The following FRMD4A variants were observed in gnomAD, a reference collection of about 807,000 sequenced individuals.
FRMD4A encodes FERM domain-containing protein 4A.
A neutral mutation model predicts 129.1 loss-of-function variants in FRMD4A; 29 were observed. The observed-to-expected ratio is 0.22, with a 90% CI of 0.17 to 0.31. The LOEUF (loss-of-function observed/expected upper bound fraction) is 0.31. Among genes scored for constraint, FRMD4A ranks in the 10% least tolerant of loss-of-function variants. The pLI is 1.00. For missense variants in FRMD4A, 1,272 were observed against 1,375.8 expected (o/e 0.92, Z 1.19); for synonymous variants, 634 against 571.6 (o/e 1.11, Z -1.56).
chr10:14,276,212 C>G (rs762418822), intron 2 of FRMD4A, among the ~76,000 whole-genome samples: 34 of 152,164 alleles, frequency 2.2e-4, no homozygotes, highest in Non-Finnish European at 1.9e-4. Flanking sequence ...TTCTAAAATT[C>G]CTGCCTCACT....
chr10:13,854,685 G>A (rs539988065), intron 3 of FRMD4A, among the ~76,000 whole-genome samples: 2 of 151,716 alleles, frequency 1.3e-5, no homozygotes, highest in East Asian at 1.9e-4. Context: ...ACTCTCCTTG[G>A]CCTCCCAAAG....
At chr10:14,286,365 C>G (rs1845681467) in intron 2 of FRMD4A, among the ~76,000 whole-genome samples, 1 of 152,168 alleles carries the variant, frequency 6.6e-6, no homozygotes, top group African/African-American at 2.4e-5. Context: ...TGTCCCTCAG[C>G]AATATTGCCA....
chr10:14,193,976 T>C (rs1174980778), intron 2 of FRMD4A, among the ~76,000 whole-genome samples: 1 of 152,236 alleles, frequency 6.6e-6, no homozygotes, highest in African/African-American at 2.4e-5. Flanking sequence ...CTTTCTTTTT[T>C]AATTCCATGA....
intron 2 of FRMD4A, among the ~76,000 whole-genome samples, chr10:14,138,130 G>C (rs1839641097): frequency 6.6e-6 from 1 of 152,144 alleles, no homozygotes; most frequent in South Asian, 2.1e-4. Flanking sequence ...TTCTACTAGT[G>C]CTGGACCTAG....
chr10:14,058,358 T>A (rs1834642120), intron 2 of FRMD4A, among the ~76,000 whole-genome samples: 1 of 152,260 alleles, frequency 6.6e-6, no homozygotes, highest in African/African-American at 2.4e-5. Flanking sequence ...TTCAAAATAT[T>A]CATTTCTCAT....
At chr10:14,013,836 C>T (rs1201975145) in intron 2 of FRMD4A, among the ~76,000 whole-genome samples, 1 of 152,172 alleles carries the variant, frequency 6.6e-6, no homozygotes, top group African/African-American at 2.4e-5. Context: ...GAGGCTGAGG[C>T]AGGAGAATCA....
intron 2 of FRMD4A, among the ~76,000 whole-genome samples, chr10:14,298,511 AC>A (rs1486876240): frequency 3.3e-5 from 5 of 152,200 alleles, no homozygotes; most frequent in Admixed American, 1.3e-4. Flanking sequence ...GCAAGAAAAT[AC>A]TGGCCCACTG....
chr10:14,328,561 C>T (rs1229180591), intron 2 of FRMD4A, among the ~76,000 whole-genome samples: 2 of 150,936 alleles, frequency 1.3e-5, no homozygotes, highest in Admixed American at 6.6e-5. Flanking sequence ...AACTTTTCTC[C>T]TCTATATTAA....
At chr10:13,692,399 T>C (rs10752320) in intron 15 of FRMD4A, 148,957 of 152,310 alleles carry the variant, frequency 0.98, 72,916 homozygotes, top group Middle Eastern at 1. Flanking sequence ...CCACCTGCCT[T>C]GGCCTCCCAA....
intron 6 of FRMD4A, among the ~76,000 whole-genome samples, chr10:13,776,166 G>C (rs2092592586): frequency 6.6e-6 from 1 of 152,102 alleles, no homozygotes; most frequent in Non-Finnish European, 1.5e-5. Flanking sequence ...GCAGTAGTGT[G>C]ATCTGGACTC....
intron 2 of FRMD4A, among the ~76,000 whole-genome samples, chr10:14,260,718 T>C (rs1198995952): frequency 2.0e-5 from 3 of 152,230 alleles, no homozygotes; most frequent in Non-Finnish European, 4.4e-5. Context: ...CCTTTGCCTT[T>C]GTTCTTAATA....
chr10:13,880,646 C>T (rs1179508218), intron 2 of FRMD4A, among the ~76,000 whole-genome samples: 2 of 152,130 alleles, frequency 1.3e-5, no homozygotes, highest in Non-Finnish European at 2.9e-5. Flanking sequence ...TGCAACCTCT[C>T]TTGTTCCCTG....
intron 2 of FRMD4A, among the ~76,000 whole-genome samples, chr10:13,898,066 C>G (rs2094778593): frequency 6.6e-6 from 1 of 151,324 alleles, no homozygotes; most frequent in Admixed American, 6.6e-5. Flanking sequence ...ACCTTAGTGG[C>G]AACTCTATTA....
intron 2 of FRMD4A, chr10:13,866,354 C>G: frequency 1.4e-6 from 1 of 737,822 alleles, no homozygotes; most frequent in South Asian, 6.0e-5. Context: ...ATGATCTGAC[C>G]TCTGACCCAG....
intron 6 of FRMD4A, among the ~76,000 whole-genome samples, chr10:13,778,848 G>T (rs960071850): frequency 2.6e-5 from 4 of 152,096 alleles, no homozygotes; most frequent in Non-Finnish European, 4.4e-5. Context: ...AGGGATAAAA[G>T]GCTGCATCTA....
At chr10:13,904,917 C>T (rs1026516448) in intron 2 of FRMD4A, among the ~76,000 whole-genome samples, 10 of 135,680 alleles carry the variant, frequency 7.4e-5, no homozygotes, top group South Asian at 2.4e-4. Context: ...CGCTTGAACC[C>T]GGAAGGCAGA....
intron 2 of FRMD4A, among the ~76,000 whole-genome samples, chr10:14,053,020 T>C (rs1253133569): frequency 6.6e-6 from 1 of 152,120 alleles, no homozygotes; most frequent in Non-Finnish European, 1.5e-5. Flanking sequence ...GGATCATATT[T>C]CAATAAGAGA....
chr10:13,993,701 A>C (rs771101750), intron 2 of FRMD4A, among the ~76,000 whole-genome samples: 2 of 152,130 alleles, frequency 1.3e-5, no homozygotes, highest in Non-Finnish European at 1.5e-5. Context: ...GTTGCTTCTG[A>C]AGTTGTTGTC....
chr10:13,909,561 G>T (rs754664686), intron 2 of FRMD4A, among the ~76,000 whole-genome samples: 1 of 152,216 alleles, frequency 6.6e-6, no homozygotes, highest in African/African-American at 2.4e-5. Flanking sequence ...GAATGCAAAA[G>T]GTGTCAGATG....
Sources: gnomAD v4.1 joint callset for allele counts (sites outside exome capture counted in the v4.1 genomes callset) on GRCh38, gnomAD v4.1.1 for gene constraint, MANE v1.5 for transcripts, NCBI Gene and HGNC (gene_info 2026-07-23, HGNC 2026-07-21) for gene names.